CHRM3: variants seen among roughly 807,000 people sequenced by gnomAD.
CHRM3 encodes the protein cholinergic receptor muscarinic 3.
CHRM3 carries 11 observed loss-of-function variants against 41.8 expected under a neutral mutation model. That is an observed-to-expected ratio of 0.26 (90% CI 0.17 to 0.44). The LOEUF (loss-of-function observed/expected upper bound fraction) is 0.44. CHRM3 is among the 20% of genes least tolerant of loss of function. The probability of loss-of-function intolerance (pLI) is 1.00; values close to 1 mark genes in which losing one functional copy is unlikely to be tolerated. For synonymous variants in CHRM3, 297 were observed against 301.4 expected (o/e 0.99, Z 0.15); for missense variants, 571 against 745.4 (o/e 0.77, Z 2.72).
At chr1:239,603,816 T>C in intron 3 of CHRM3, among the ~76,000 whole-genome samples, 1 of 152,164 alleles carries the variant, frequency 6.6e-6, no homozygotes, top group Admixed American at 6.5e-5. Flanking sequence ...AAAATTAGTC[T>C]TGCATTAAGT....
Position 239,591,915 on chromosome 1 carries a change from T to C in CHRM3, c.-312-40309T>C, listed in dbSNP as rs1311267736. Among the ~76,000 whole-genome samples, 3 of 152,166 alleles carry C rather than the reference T, an allele frequency of 2.0e-5. No homozygotes were observed. In the East Asian group the frequency reaches 5.8e-4, roughly 29 times the overall value. On this transcript the variant is annotated intron_variant, in intron 3 of 6. Coordinates refer to ENST00000676153, the MANE Select transcript of CHRM3 (RefSeq NM_001375978.1). ...AAAGTAATAAGTAACATGGGAGACA[T>C]TTGGTTGGCTTAGGCCCAGGAAATA...
chr1:239,742,390 G>A (rs771576104), intron 5 of CHRM3, among the ~76,000 whole-genome samples: 3 of 152,132 alleles, frequency 2.0e-5, no homozygotes, highest in Non-Finnish European at 4.4e-5. Flanking sequence ...AGGTTCAACC[G>A]GAGCCAGATG....
chr1:239,490,405 G>C (rs1404474127), intron 1 of CHRM3, among the ~76,000 whole-genome samples: 1 of 152,118 alleles, frequency 6.6e-6, no homozygotes, highest in African/African-American at 2.4e-5. Flanking sequence ...GAGACCTTGA[G>C]ATCCTCCTTC....
At chr1:239,448,849 T>G (rs950791124) in intron 1 of CHRM3, among the ~76,000 whole-genome samples, 1 of 152,180 alleles carries the variant, frequency 6.6e-6, no homozygotes, top group African/African-American at 2.4e-5. Context: ...GACTAGACAA[T>G]GAGCTAGATA....
intron 6 of CHRM3, chr1:239,897,884 G>A (rs1024774210): frequency 7.9e-5 from 12 of 152,142 alleles, no homozygotes; most frequent in African/African-American, 2.9e-4. Flanking sequence ...AAGAGGTCCT[G>A]ATGCAAATCC....
chr1:239,429,723 C>T (rs914921945), intron 1 of CHRM3, among the ~76,000 whole-genome samples: 1 of 148,430 alleles, frequency 6.7e-6, no homozygotes, highest in Non-Finnish European at 1.5e-5. Flanking sequence ...TTTTGCTTCT[C>T]TTTACATTTA....
intron 4 of CHRM3, among the ~76,000 whole-genome samples, chr1:239,635,503 C>T (rs994839738): frequency 2.6e-5 from 4 of 152,136 alleles, no homozygotes; most frequent in African/African-American, 9.7e-5. Context: ...ACTACTTGAC[C>T]CTTCCAGTCA....
At chr1:239,891,353 T>C (rs1441091558) in intron 6 of CHRM3, among the ~76,000 whole-genome samples, 1 of 152,224 alleles carries the variant, frequency 6.6e-6, no homozygotes, top group Non-Finnish European at 1.5e-5. Flanking sequence ...ATTTCTTTTT[T>C]TCCCTCTGAA....
intron 3 of CHRM3, among the ~76,000 whole-genome samples, chr1:239,589,202 G>A (rs1342524430): frequency 6.6e-6 from 1 of 152,094 alleles, no homozygotes; most frequent in Admixed American, 6.5e-5. Context: ...CCAAATTGCT[G>A]GGATTACAGG....
At chr1:239,800,051 CTAA>C (rs1670091424) in intron 5 of CHRM3, among the ~76,000 whole-genome samples, 1 of 152,042 alleles carries the variant, frequency 6.6e-6, no homozygotes, top group Non-Finnish European at 1.5e-5. Context: ...TTTCCATACA[CTAA>C]TGATAGTGTG....
At chr1:239,888,236 G>A (rs1421926661) in intron 6 of CHRM3, among the ~76,000 whole-genome samples, 14 of 151,298 alleles carry the variant, frequency 9.3e-5, no homozygotes, top group African/African-American at 3.4e-4. Flanking sequence ...GCATGGTGGT[G>A]CACACCTGTA....
intron 6 of CHRM3, among the ~76,000 whole-genome samples, chr1:239,893,733 T>A (rs1390020297): frequency 2.2e-3 from 280 of 128,302 alleles, no homozygotes; most frequent in African/African-American, 2.4e-3. Flanking sequence ...TTTGAAATCA[T>A]AAAAAAAAAA....
At chr1:239,556,800 A>C (rs1444856989) in intron 3 of CHRM3, among the ~76,000 whole-genome samples, 1 of 152,164 alleles carries the variant, frequency 6.6e-6, no homozygotes, top group African/African-American at 2.4e-5. Context: ...AAAGAGTTCC[A>C]ATTGTTAGTT....
At chr1:239,824,187 A>G (rs542549941) in intron 5 of CHRM3, among the ~76,000 whole-genome samples, 20 of 152,222 alleles carry the variant, frequency 1.3e-4, no homozygotes, top group Non-Finnish European at 2.5e-4. Flanking sequence ...CACTTGTTTT[A>G]TATCTTGAAT....
At chr1:239,855,703 C>G (rs1368317715) in intron 6 of CHRM3, among the ~76,000 whole-genome samples, 1 of 152,052 alleles carries the variant, frequency 6.6e-6, no homozygotes, top group East Asian at 1.9e-4. Flanking sequence ...CATTTTTCCT[C>G]AACATTGATT....
chr1:239,828,823 A>C (rs1010085642), intron 6 of CHRM3, among the ~76,000 whole-genome samples: 1 of 152,176 alleles, frequency 6.6e-6, no homozygotes, highest in African/African-American at 2.4e-5. Flanking sequence ...TGGAAGTGTC[A>C]CTCTGCCTGC....
intron 6 of CHRM3, among the ~76,000 whole-genome samples, chr1:239,846,781 A>G (rs1308197900): frequency 6.6e-6 from 1 of 152,212 alleles, no homozygotes; most frequent in East Asian, 1.9e-4. Context: ...GTGAGTTTTT[A>G]TTACGTTACT....
chr1:239,513,965 A>G (rs902763951), intron 2 of CHRM3, among the ~76,000 whole-genome samples: 2 of 151,954 alleles, frequency 1.3e-5, no homozygotes, highest in Non-Finnish European at 2.9e-5. Flanking sequence ...TGCTTCTTTT[A>G]GGGCTCTTTT....
intron 5 of CHRM3, among the ~76,000 whole-genome samples, chr1:239,725,966 A>G (rs1663399815): frequency 6.6e-6 from 1 of 151,958 alleles, no homozygotes; most frequent in African/African-American, 2.4e-5. Context: ...CCATACTTGT[A>G]TATTATAGCA....
Sources: allele counts gnomAD v4.1 joint callset (sites outside exome capture counted in the v4.1 genomes callset), GRCh38; gene constraint gnomAD v4.1.1; transcripts MANE v1.5; gene names NCBI Gene and HGNC (gene_info 2026-07-23, HGNC 2026-07-21).